Variants in MVK observed in about 807,000 individuals in gnomAD.
MVK encodes mevalonate kinase.
In MVK, 34 loss-of-function variants were observed where a neutral mutation model predicts 43.2. The observed-to-expected ratio is 0.79, with a 90% CI of 0.60 to 1.05. The LOEUF (loss-of-function observed/expected upper bound fraction) is 1.05. Ranked by LOEUF, MVK falls within the 50% of genes least tolerant of loss-of-function variation. MVK has a pLI of 0.00. For missense variants in MVK, 395 were observed against 504.0 expected (o/e 0.78, Z 2.07); for synonymous variants, 190 against 219.8 (o/e 0.86, Z 1.20).
At position 109,581,426 on chromosome 12, in the gene MVK, T is replaced by C; in HGVS notation, c.403T>C (p.Ser135Pro). 6.2e-7 allele frequency: 1 copy of C among 1,614,024 alleles called. No homozygotes were observed. Residue 135 changes from serine to proline, a missense_variant, in exon 5 of 11, where the codon TCG becomes CCG. Coordinates refer to ENST00000228510, the MANE Select transcript of MVK (RefSeq NM_000431.4). Reference sequence around the variant, plus strand: ...GCCGAGCCTGGATATCGTAGTGTGGTCGGAGCTGCCCCCCGGGGCGGGCTT... The same window carrying C: ...GCCGAGCCTGGATATCGTAGTGTGGCCGGAGCTGCCCCCCGGGGCGGGCTT... ...ALPSLDIVVW[S>P]ELPPGAGLGS...
rs752693897 is a variant in MVK at position 109,596,526 on chromosome 12, C to T, written c.1140C>T (p.His380=). The part of the protein sequence containing the change: ...TSIGAPGVSI[H]SATSLDSRVQ... The stretch of plus-strand genomic sequence containing the variant: ...TCGGTGCCCCCGGCGTCTCCATCCA[C>T]TCAGCCACCTCCCTGGACAGCCGAG... Residue 380 remains histidine, a synonymous_variant, in exon 11 of 11, where the codon CAC becomes CAT. Transcript: ENST00000228510. 5 of 1,612,472 alleles carry T rather than the reference C, an allele frequency of 3.1e-6. No individual in the cohort carries two copies. The Admixed American group carries it at 5.0e-5, about 16-fold the overall frequency.
In MVK at chr12:109,576,250, C is replaced by T. The variant is rs3752662; in HGVS notation, c.226+105C>T. ...AGGGAGCCAGGGGCCAGCTATTTCC[C>T]GGGTGTTTTCTACCCTGACCTCATA... On this transcript the variant is annotated intron_variant, in intron 3 of 10. Coordinates refer to ENST00000228510, the MANE Select transcript of MVK (RefSeq NM_000431.4). 0.28 allele frequency: 396,231 copies of T among 1,439,978 alleles called. 56,720 individuals carry two copies. The highest frequency in any genetic ancestry group is 0.44 in the African/African-American group (30,885 of 70,932). The allele number at this position is 1,439,978 out of a possible 1,614,324, so 89.2% of individuals were successfully genotyped here. A position where few individuals can be genotyped will look rare whatever the true frequency, so the allele number is the denominator to read the frequency against.
chr12:109,573,304 T>C, upstream of MVK: 6 of 1,612,232 alleles, frequency 3.7e-6, no homozygotes, highest in Non-Finnish European at 5.1e-6. Context: ...GACACCACGA[T>C]TCACGGCAGG....
intron 3 of MVK, 41 bp downstream of exon 3, chr12:109,576,186 C>A (rs771897423): frequency 1.2e-6 from 2 of 1,612,944 alleles, no homozygotes; most frequent in Admixed American, 3.3e-5. Context: ...TAAGAGCCTA[C>A]AGAGAGGGCA....
At chr12:109,573,421 C>T (rs766597566), upstream of MVK, 2 of 1,610,050 alleles carry the variant, frequency 1.2e-6, no homozygotes, top group Non-Finnish European at 1.7e-6. Flanking sequence ...CGCCGAAGCA[C>T]CCGCGCAGGC....
intron 4 of MVK, among the ~76,000 whole-genome samples, chr12:109,581,033 G>A (rs1016024630): frequency 6.6e-6 from 1 of 152,144 alleles, no homozygotes. Flanking sequence ...GGGATAAGGA[G>A]GTGCACGGCT....
At chr12:109,582,031 A>T (rs68024411) in intron 5 of MVK, among the ~76,000 whole-genome samples, 2 of 152,178 alleles carry the variant, frequency 1.3e-5, no homozygotes, top group South Asian at 4.1e-4. Flanking sequence ...GGGTGTGCCC[A>T]TTAGACTAGG....
rs1414241471 is a variant in MVK at position 109,574,852 on chromosome 12, T to C, written c.30T>C (p.Ala10=). The C allele has an allele frequency of 6.2e-7, 1 of 1,609,630 alleles. No homozygotes were observed. Among genetic ancestry groups the C allele is most frequent in the Non-Finnish European group, 8.5e-7 (1 of 1,178,018 alleles). ...TGTCAGAAGTCCTACTGGTGTCTGC[T>C]CCGGGGAAAGTCATCCTTCATGGAG... MLSEVLLVS[A]PGKVILHGEH... is the part of the protein sequence containing the mutation. Residue 10 remains alanine, a synonymous_variant, in exon 2 of 11, where the codon GCT becomes GCC. Coordinates refer to ENST00000228510, the MANE Select transcript of MVK (RefSeq NM_000431.4).
intron 7 of MVK, chr12:109,590,490 C>T: frequency 2.0e-6 from 1 of 491,122 alleles, no homozygotes; most frequent in Non-Finnish European, 3.7e-6. Flanking sequence ...CTGGCCCCGG[C>T]CCCAAGGCCA....
intron 5 of MVK, among the ~76,000 whole-genome samples, chr12:109,582,960 C>T (rs1362700456): frequency 6.6e-6 from 1 of 152,192 alleles, no homozygotes; most frequent in Non-Finnish European, 1.5e-5. Context: ...GGCACCACCA[C>T]CCCGCCCCAG....
chr12:109,591,945 T>A (rs17183465), intron 9 of MVK, among the ~76,000 whole-genome samples: 24,925 of 152,098 alleles, frequency 0.16, 2,119 homozygotes, highest in Middle Eastern at 0.18. Context: ...CGCTAGAGTG[T>A]CTTAAGAATG....
chr12:109,579,964 G>C lies in MVK; in HGVS notation c.371+18G>C. ...AAGCAGAGGTGTGTGCGTGGTCTGGGGAAGGAGTCCAGATTCAGCCTCCCA... is the reference window on the plus strand; with the variant it reads ...AAGCAGAGGTGTGTGCGTGGTCTGGCGAAGGAGTCCAGATTCAGCCTCCCA... On this transcript the variant is annotated intron_variant, in intron 4 of 10. Coordinates refer to ENST00000228510, the MANE Select transcript of MVK (RefSeq NM_000431.4). 2 of 1,614,148 alleles carry C rather than the reference G, an allele frequency of 1.2e-6. No individual in the cohort carries two copies. The highest frequency in any genetic ancestry group is 2.7e-5 in the African/African-American group (2 of 75,066).
At chr12:109,588,052 G>T (rs1885517504) in intron 7 of MVK, 1 of 152,304 alleles carries the variant, frequency 6.6e-6, no homozygotes, top group Non-Finnish European at 1.5e-5. Context: ...AGCTTCCTCG[G>T]GTTGCTCCAG....
chr12:109,586,981 C>T (rs1885462765), intron 7 of MVK, 182 bp downstream of exon 7: 1 of 655,184 alleles, frequency 1.5e-6, no homozygotes, highest in African/African-American at 1.8e-5. Flanking sequence ...CCTGCTCTCT[C>T]CTTCTCCCCT....
chr12:109,587,590 A>G (rs1439008574), intron 7 of MVK, among the ~76,000 whole-genome samples: 4 of 152,064 alleles, frequency 2.6e-5, no homozygotes, highest in East Asian at 1.9e-4. Context: ...TGCCACCTCC[A>G]TGGGCCTTTT....
rs780884865 is a variant in MVK, at chr12:109,594,991, C to A, written c.886-37C>A. On this transcript the variant is annotated intron_variant, in intron 9 of 10. Transcript: ENST00000228510. ...GTGGGCATAGGACCTTGGCCTCAGG[C>A]AGGCCAAGTGGGAACAGATGGAACC... 5.6e-6 allele frequency: 9 copies of A among 1,612,658 alleles called. No homozygotes were observed. In the African/African-American group the frequency reaches 1.2e-4, roughly 22 times the overall value.
At chr12:109,573,569 C>A (rs765119951), upstream of MVK, 9 of 1,469,720 alleles carry the variant, frequency 6.1e-6, no homozygotes, top group Non-Finnish European at 8.3e-6. Flanking sequence ...CGCCACCGCT[C>A]AGGTTTCAAT....
Position 109,595,285 on chromosome 12 carries a change from G to T in MVK, c.1039+104G>T. The T allele has an allele frequency of 1.4e-6, 2 of 1,445,404 alleles. No homozygotes were observed. The highest frequency in any genetic ancestry group is 1.9e-6 in the Non-Finnish European group (2 of 1,064,990). 89.5% of individuals were successfully genotyped at this position (1,445,404 alleles called of 1,614,324 possible). A position where few individuals can be genotyped will look rare whatever the true frequency, so the allele number is the denominator to read the frequency against. ...AAAAGAGACCTGGAAACAGGTCTCA[G>T]CTCCGCTGTGTGGCCTTGGGCAAGT... On this transcript the variant is annotated intron_variant, in intron 10 of 10. Coordinates refer to ENST00000228510, the MANE Select transcript of MVK (RefSeq NM_000431.4). This position sits in a 1 kb window ranked among gnomAD's most constrained non-coding sequence, Gnocchi z 5.9.
intron 5 of MVK, among the ~76,000 whole-genome samples, chr12:109,582,419 C>T (rs1431146036): frequency 6.6e-6 from 1 of 152,130 alleles, no homozygotes; most frequent in Non-Finnish European, 1.5e-5. Context: ...TCACTGCAAC[C>T]TCTGCCTCCA....
Sources: gnomAD v4.1 joint callset for allele counts (sites outside exome capture counted in the v4.1 genomes callset) on GRCh38, gnomAD v4.1.1 for gene constraint, Gnocchi (gnomAD v3.1) non-coding constraint, MANE v1.5 for transcripts, NCBI Gene and HGNC (gene_info 2026-07-23, HGNC 2026-07-21) for gene names.